Variants in MED16 observed in about 807,000 individuals in gnomAD.
The protein encoded by MED16 is mediator complex subunit 16, also known as mediator of RNA polymerase II transcription subunit 16.
In MED16, 81 loss-of-function variants were observed where a neutral mutation model predicts 84.4. The ratio of observed to expected loss-of-function variants is 0.96; its 90% confidence interval spans 0.80 to 1.15. The LOEUF (loss-of-function observed/expected upper bound fraction) is 1.15. MED16 is among the 50% of genes most tolerant of loss of function. MED16 has a pLI of 0.00. For missense variants in MED16, 1,585 were observed against 1,245.9 expected (o/e 1.27, Z -4.10); for synonymous variants, 897 against 552.2 (o/e 1.62, Z -8.76).
rs559317110 is a variant in MED16 at position 868,257 on chromosome 19, G to C, written c.2484-6C>G. 6.3e-7 allele frequency: 1 copy of C among 1,593,040 alleles called. No homozygotes were observed. Among genetic ancestry groups the C allele is most frequent in the Admixed American group, 1.8e-5 (1 of 56,386 alleles). ...GCCCACGGCCTTCAACAGCCCTGCA[G>C]GGCGGGCTGAGGTTAACCGCGCCGA... is the stretch of plus-strand genomic sequence containing the variant. On this transcript the variant is annotated splice_polypyrimidine_tract_variant and splice_region_variant and intron_variant, in intron 15 of 15. Coordinates refer to ENST00000325464, the MANE Select transcript of MED16 (RefSeq NM_005481.3).
At chr19:877,317 C>A (rs2036273251) in intron 8 of MED16, 137 bp from the exon 9 acceptor site, 1 of 774,074 alleles carries the variant, frequency 1.3e-6, no homozygotes, top group Non-Finnish European at 2.1e-6. Flanking sequence ...TGTGTGCGCG[C>A]ATGTGTCTGT....
At chr19:890,823 C>T (rs1449469819) in intron 2 of MED16, 140 bp downstream of exon 2, 4 of 934,880 alleles carry the variant, frequency 4.3e-6, no homozygotes, top group Non-Finnish European at 6.1e-6. Context: ...GAGGCTCTCA[C>T]ACAAGTTACA....
At chr19:885,427 C>G (rs189475907) in intron 5 of MED16, among the ~76,000 whole-genome samples, 2 of 152,098 alleles carry the variant, frequency 1.3e-5, no homozygotes, top group African/African-American at 4.8e-5. Flanking sequence ...GGATTCGGTT[C>G]GGGACACTGA....
Position 886,040 on chromosome 19 carries a change from G to T in MED16, c.609C>A (p.Thr203=). 6.3e-7 allele frequency: 1 copy of T among 1,597,186 alleles called. No homozygotes were observed. Among genetic ancestry groups the T allele is most frequent in the Non-Finnish European group, 8.5e-7 (1 of 1,175,310 alleles). Residue 203 remains threonine (T), a synonymous_variant, in exon 5 of 16, where the codon ACC becomes ACA. Coordinates refer to ENST00000325464, the MANE Select transcript of MED16 (RefSeq NM_005481.3). ...GGCCGCGCAGCCGGCACAGGCTCTC[G>T]GTGGACGTCAGCACCTGCCCGCTGG... ...LKPSGQVLTS[T]ESLCRLRGRV...
In MED16 at chr19:872,968, GCA is replaced by G. The variant is rs1405463894; in HGVS notation, c.1905+479_1905+480del. 472 of 741,802 alleles carry G rather than the reference GCA, an allele frequency of 6.4e-4. 89 individuals are homozygous for G. In the African/African-American group the frequency reaches 8.2e-3, roughly 13 times the overall value. 46.0% of individuals were successfully genotyped at this position (741,802 alleles called of 1,614,324 possible). ...AGGTGGGGGAGGGCTCCGAGGTGGG[GCA>G]GGGCTCCGAGGTGGGGGAGGGCTCC... is the stretch of plus-strand genomic sequence containing the variant. On this transcript the variant is annotated intron_variant, in intron 11 of 15. Coordinates refer to ENST00000325464, the MANE Select transcript of MED16 (RefSeq NM_005481.3).
chr19:892,930 CGCCCCGCGCCCCAG>C (rs2036671820), intron 1 of MED16, 142 bp downstream of exon 1: 1 of 95,000 alleles, frequency 1.1e-5, no homozygotes, highest in African/African-American at 3.9e-5. Flanking sequence ...CCGCGCCCCG[CGCCCCGCGCCCCAG>C]GCCGCCTACC....
At chr19:870,401 A>AC (rs2036018226) in intron 13 of MED16, among the ~76,000 whole-genome samples, 1 of 152,014 alleles carries the variant, frequency 6.6e-6, no homozygotes. Flanking sequence ...TCTATACCAA[A>AC]AATACAAAAA....
At chr19:871,474 T>TGGGCGGGGGGGGGCG in intron 12 of MED16, 1 of 1,451,596 alleles carries the variant, frequency 6.9e-7, no homozygotes, top group Non-Finnish European at 9.2e-7. Context: ...TGGCCTGTCA[T>TGGGCGGGGGGGGGCG]GAGACTCCCT....
chr19:883,532 C>G (rs1378581984), intron 6 of MED16, among the ~76,000 whole-genome samples: 3 of 152,104 alleles, frequency 2.0e-5, no homozygotes, highest in Admixed American at 6.5e-5. Context: ...GCGGTGGGGA[C>G]TGTCCCAGTG....
intron 5 of MED16, among the ~76,000 whole-genome samples, 172 bp downstream of exon 5, chr19:885,598 T>A (rs1288919335): frequency 6.6e-6 from 1 of 152,070 alleles, no homozygotes; most frequent in Non-Finnish European, 1.5e-5. Context: ...CGCCTCCAGA[T>A]GCTGGGAAAG....
chr19:868,745 C>G, intron 14 of MED16, 118 bp downstream of exon 14: 1 of 1,195,594 alleles, frequency 8.4e-7, no homozygotes, highest in Non-Finnish European at 1.2e-6. Flanking sequence ...AACACTCCCT[C>G]TGGGACGTGC....
chr19:885,825 T>G lies in MED16; in HGVS notation c.824A>C (p.Asp275Ala), dbSNP rs770002303. The change falls in exon 5 of 16, where the codon GAC becomes GCC. Residue 275 changes from aspartate (D) to alanine (A), a missense_variant. Coordinates refer to ENST00000325464, the MANE Select transcript of MED16 (RefSeq NM_005481.3). ...GAGGTGGGTGATGGCGGGAAACTTG[T>G]CCTTGCGGTTGAGGTCGGTGGTGCA... ...MRCTTDLNRKDKFPAITHLKF... is the reference protein window; with the variant it reads ...MRCTTDLNRKAKFPAITHLKF... 6.2e-7 allele frequency: 1 copy of G among 1,613,494 alleles called. No individual in the cohort carries two copies. The highest frequency in any genetic ancestry group is 1.1e-5 in the South Asian group (1 of 91,084).
chr19:875,302 C>T lies in MED16; in HGVS notation c.1713G>A (p.Thr571=), dbSNP rs370493746. The T allele has an allele frequency of 2.5e-5, 41 of 1,610,100 alleles. No homozygotes were observed. The highest frequency in any genetic ancestry group is 1.1e-4 in the East Asian group (5 of 44,820). Residue 571 remains threonine, a synonymous_variant, in exon 10 of 16, where the codon ACG becomes ACA. Transcript: ENST00000325464. ...GCCGGTCGCCGGGGCTCTTGTCAGG[C>T]GTGTTGAGAAAGTGGGGGCGCAGCA... ...KSLLRPHFLN[T]PDKSPGDRLT... is the part of the protein sequence containing the mutation.
intron 9 of MED16, 30 bp downstream of exon 9, chr19:876,944 C>A: frequency 1.3e-6 from 2 of 1,583,526 alleles, no homozygotes; most frequent in Non-Finnish European, 1.7e-6. Context: ...CCCCACCTGC[C>A]ACGGGGCCCC....
At chr19:884,060 G>C (rs764407013) in intron 6 of MED16, among the ~76,000 whole-genome samples, 1 of 152,120 alleles carries the variant, frequency 6.6e-6, no homozygotes, top group Non-Finnish European at 1.5e-5. Context: ...CTCTTGACAC[G>C]TGCTCATTAG....
At chr19:886,455 C>T (rs999760097) in intron 4 of MED16, among the ~76,000 whole-genome samples, 7 of 152,336 alleles carry the variant, frequency 4.6e-5, no homozygotes, top group African/African-American at 1.2e-4. Context: ...TGAACGTGTG[C>T]GCAACGGGAG....
intron 8 of MED16, 143 bp from the exon 9 acceptor site, chr19:877,323 T>A (rs2036273525): frequency 1.4e-6 from 1 of 730,248 alleles, no homozygotes; most frequent in Middle Eastern, 3.9e-4. Flanking sequence ...CGCGCATGTG[T>A]CTGTAGCGTC....
intron 4 of MED16, 59 bp downstream of exon 4, chr19:889,579 G>A (rs2036592103): frequency 6.5e-7 from 1 of 1,545,760 alleles, no homozygotes; most frequent in Non-Finnish European, 8.8e-7. Context: ...GGGCTGGCGG[G>A]TGGCTGGGTA....
In MED16 at chr19:868,097, G is replaced by A. The variant is rs747648738; in HGVS notation, c.*4C>T. ...ACCACAAGGTCCGCCTGGACCCCCGGCCGTCACGGACGGTCCTCTGGATGC... is the reference window on the plus strand; with the variant it reads ...ACCACAAGGTCCGCCTGGACCCCCGACCGTCACGGACGGTCCTCTGGATGC... On this transcript the variant is annotated 3_prime_UTR_variant, in exon 16 of 16. Transcript: ENST00000325464. 6.2e-7 allele frequency: 1 copy of A among 1,600,700 alleles called. No individual in the cohort carries two copies. The highest frequency in any genetic ancestry group is 8.5e-7 in the Non-Finnish European group (1 of 1,176,138).
Sources: allele counts gnomAD v4.1 joint callset (sites outside exome capture counted in the v4.1 genomes callset), GRCh38; gene constraint gnomAD v4.1.1; transcripts MANE v1.5; gene names NCBI Gene and HGNC (gene_info 2026-07-23, HGNC 2026-07-21).